Variants in MDGA2 observed in about 807,000 individuals in gnomAD.
The protein encoded by MDGA2 is MAM domain-containing glycosylphosphatidylinositol anchor protein 2.
A neutral mutation model predicts 117.8 loss-of-function variants in MDGA2; 40 were observed. The ratio of observed to expected loss-of-function variants is 0.34; its 90% confidence interval spans 0.26 to 0.44. The LOEUF (loss-of-function observed/expected upper bound fraction) is 0.44. Among genes scored for constraint, MDGA2 ranks in the 20% least tolerant of loss-of-function variants. The probability of loss-of-function intolerance (pLI) is 1.00; values close to 1 mark genes in which losing one functional copy is unlikely to be tolerated. For missense variants in MDGA2, 1,123 were observed against 1,250.6 expected, an observed-to-expected ratio of 0.90 and a Z score of 1.54; for synonymous variants, 452 against 439.0, an observed-to-expected ratio of 1.03 and a Z score of -0.37.
intron 14 of MDGA2, among the ~76,000 whole-genome samples, chr14:46,858,834 C>A (rs1418519535): frequency 6.6e-6 from 1 of 152,014 alleles, no homozygotes; most frequent in Non-Finnish European, 1.5e-5. Context: ...ATCATATATT[C>A]TATTTATTTG....
chr14:47,170,070 G>C (rs987469121), intron 3 of MDGA2, among the ~76,000 whole-genome samples: 1 of 152,086 alleles, frequency 6.6e-6, no homozygotes, highest in Non-Finnish European at 1.5e-5. Context: ...TCAATCACCA[G>C]AATAACTCCT....
At chr14:47,011,435 C>T (rs914432063) in intron 8 of MDGA2, among the ~76,000 whole-genome samples, 1 of 151,888 alleles carries the variant, frequency 6.6e-6, no homozygotes, top group Admixed American at 6.6e-5. Flanking sequence ...CTCTTTTCTG[C>T]TCATATGTTG....
Position 47,249,959 on chromosome 14 carries a change from T to C in MDGA2, c.421-31764A>G, listed in dbSNP as rs189356154. Among the ~76,000 whole-genome samples the C allele has an allele frequency of 2.4e-3, 373 of 152,270 alleles. 2 individuals carry two copies. The highest frequency in any genetic ancestry group is 8.4e-3 in the African/African-American group (347 of 41,554). On this transcript the variant is annotated intron_variant, in intron 2 of 16. Transcript: ENST00000399232. ...ACAGACCCTCACACTATTGAAAAGC[T>C]AAAAGAGAACACCCACAGACTATTA... is the stretch of plus-strand genomic sequence containing the variant.
chr14:47,505,083 T>C (rs1157422804), intron 1 of MDGA2, among the ~76,000 whole-genome samples: 7 of 152,010 alleles, frequency 4.6e-5, no homozygotes, highest in Non-Finnish European at 8.8e-5. Context: ...TTAAGTAAAA[T>C]AGTAAAATAA....
intron 7 of MDGA2, among the ~76,000 whole-genome samples, chr14:47,043,684 T>C (rs955935623): frequency 6.6e-6 from 1 of 152,150 alleles, no homozygotes; most frequent in African/African-American, 2.4e-5. Context: ...TTGTTTTCCA[T>C]CTTATTTGTC....
At position 46,860,323 on chromosome 14, in the gene MDGA2, TA is replaced by T. The variant is rs563034532; in HGVS notation, c.2753-5170del. On this transcript the variant is annotated intron_variant, in intron 14 of 16. Transcript: ENST00000399232. ...TTTATTATTATATAAAATATTCAAC[TA>T]AGGTTTCTCTATTCCTCTATTGATG... 3.3e-3 allele frequency among the ~76,000 whole-genome samples: 495 copies of T among 152,158 alleles called. 4 individuals carry two copies. The highest frequency in any genetic ancestry group is 0.011 in the African/African-American group (471 of 41,566).
At chr14:47,523,566 G>A (rs1278011143) in intron 1 of MDGA2, among the ~76,000 whole-genome samples, 2 of 152,030 alleles carry the variant, frequency 1.3e-5, no homozygotes, top group Non-Finnish European at 2.9e-5. Context: ...AGGTTGTCTC[G>A]ATATAAATTC....
At chr14:47,438,330 G>A (rs1892937381) in intron 1 of MDGA2, among the ~76,000 whole-genome samples, 1 of 152,094 alleles carries the variant, frequency 6.6e-6, no homozygotes, top group Non-Finnish European at 1.5e-5. Flanking sequence ...GAAAGTTACT[G>A]TCCTCTCCAG....
At chr14:46,996,185 G>C (rs1887284087) in intron 8 of MDGA2, among the ~76,000 whole-genome samples, 1 of 152,116 alleles carries the variant, frequency 6.6e-6, no homozygotes, top group Non-Finnish European at 1.5e-5. Context: ...TGCTTTCAAA[G>C]AGCACTAAAT....
At chr14:47,284,911 T>C (rs1175224376) in intron 2 of MDGA2, among the ~76,000 whole-genome samples, 1 of 152,128 alleles carries the variant, frequency 6.6e-6, no homozygotes, top group Non-Finnish European at 1.5e-5. Flanking sequence ...TAGTTTTTAG[T>C]TTAATCCATG....
intron 9 of MDGA2, among the ~76,000 whole-genome samples, chr14:46,955,861 C>G (rs1325912656): frequency 6.6e-6 from 1 of 151,374 alleles, no homozygotes; most frequent in Non-Finnish European, 1.5e-5. Context: ...ACAGCATTAT[C>G]TTGAAAGATT....
chr14:47,345,523 C>T (rs1890745182), intron 1 of MDGA2, among the ~76,000 whole-genome samples: 1 of 151,852 alleles, frequency 6.6e-6, no homozygotes, highest in South Asian at 2.1e-4. Context: ...CTACTTTTAG[C>T]AATTTCTGGG....
chr14:47,655,106 C>G lies in MDGA2; in HGVS notation c.280+19411G>C, dbSNP rs533407941. Among the ~76,000 whole-genome samples the G allele has an allele frequency of 2.8e-4, 42 of 152,200 alleles. 1 individual carries two copies. In the South Asian group the frequency reaches 8.5e-3, roughly 31 times the overall value. On this transcript the variant is annotated intron_variant, in intron 1 of 16. Transcript: ENST00000399232. Reference sequence around the variant, plus strand: ...TGTGCCCTCCATTTTATTCACCACTCTTGTTGATAAACAAGCAGATAGATG... The same window carrying G: ...TGTGCCCTCCATTTTATTCACCACTGTTGTTGATAAACAAGCAGATAGATG...
chr14:47,607,933 T>A (rs1896770721), intron 1 of MDGA2, among the ~76,000 whole-genome samples: 1 of 151,800 alleles, frequency 6.6e-6, no homozygotes, highest in African/African-American at 2.4e-5. Context: ...GGTAATACTT[T>A]GAATTGCATC....
intron 1 of MDGA2, among the ~76,000 whole-genome samples, chr14:47,543,012 C>T (rs778019502): frequency 2.6e-5 from 4 of 152,094 alleles, no homozygotes; most frequent in Non-Finnish European, 5.9e-5. Flanking sequence ...GACTTTGAGA[C>T]CTTCCTGAGA....
chr14:47,667,481 A>C (rs1471339072), intron 1 of MDGA2, among the ~76,000 whole-genome samples: 2 of 152,190 alleles, frequency 1.3e-5, no homozygotes, highest in East Asian at 3.8e-4. Context: ...CTTTCCTTTC[A>C]GGACACCAGA....
At chr14:46,909,165 C>T (rs1032470708) in intron 10 of MDGA2, among the ~76,000 whole-genome samples, 2 of 152,162 alleles carry the variant, frequency 1.3e-5, no homozygotes, top group African/African-American at 4.8e-5. Flanking sequence ...GAACATAATA[C>T]ATTTAATTGC....
At chr14:47,426,820 A>C (rs931066672) in intron 1 of MDGA2, among the ~76,000 whole-genome samples, 1 of 150,730 alleles carries the variant, frequency 6.6e-6, no homozygotes, top group East Asian at 1.9e-4. Context: ...TTATAAATCA[A>C]ATATATTTGA....
intron 1 of MDGA2, among the ~76,000 whole-genome samples, chr14:47,511,634 A>G (rs575660013): frequency 6.6e-6 from 1 of 152,200 alleles, no homozygotes; most frequent in Admixed American, 6.6e-5. Flanking sequence ...GACTTAAAAC[A>G]GGACTTATAT....
Sources: allele counts gnomAD v4.1 joint callset (sites outside exome capture counted in the v4.1 genomes callset), GRCh38; gene constraint gnomAD v4.1.1; transcripts MANE v1.5; gene names NCBI Gene and HGNC (gene_info 2026-07-23, HGNC 2026-07-21).